Variants in TRPM3 observed in about 807,000 individuals in gnomAD.
TRPM3 encodes long transient receptor potential channel 3.
Under a neutral mutation model 181.2 loss-of-function variants are expected in TRPM3, and 77 were observed. That is an observed-to-expected ratio of 0.42 (90% CI 0.35 to 0.51). TRPM3 has a LOEUF of 0.51. Among genes scored for constraint, TRPM3 ranks in the 20% least tolerant of loss-of-function variants. The probability of loss-of-function intolerance (pLI) is 0.01; values close to 1 mark genes in which losing one functional copy is unlikely to be tolerated. For missense variants in TRPM3, 1,759 were observed against 2,196.7 expected, an observed-to-expected ratio of 0.80 and a Z score of 3.98; for synonymous variants, 745 against 796.4, an observed-to-expected ratio of 0.94 and a Z score of 1.09.
At chr9:70,781,326 T>TAAAAAAAAAAAAAAGAAAA (rs2082390964) in intron 7 of TRPM3, among the ~76,000 whole-genome samples, 1 of 106,156 alleles carries the variant, frequency 9.4e-6, no homozygotes, top group African/African-American at 3.7e-5. Context: ...TTCCATTTCA[T>TAAAAAAAAAAAAAAGAAAA]AAAAAAAAAA....
chr9:71,335,658 A>G (rs1438577742), intron 1 of TRPM3, among the ~76,000 whole-genome samples: 1 of 152,182 alleles, frequency 6.6e-6, no homozygotes, highest in Non-Finnish European at 1.5e-5. Flanking sequence ...GAGTTATTTA[A>G]AAGAATACAG....
At chr9:70,869,018 G>T in intron 1 of TRPM3, 1 of 985,212 alleles carries the variant, frequency 1.0e-6, no homozygotes, top group Non-Finnish European at 1.2e-6. Context: ...GGCAAAAGCA[G>T]TCCCCGGAGC....
chr9:71,386,605 T>C (rs116385431), intron 1 of TRPM3, among the ~76,000 whole-genome samples: 1,872 of 152,288 alleles, frequency 0.012, 34 homozygotes, highest in African/African-American at 0.04. Context: ...ATATTGGAAC[T>C]GTGTATATAT....
rs1213226058 is a variant in TRPM3, at chr9:70,576,506, TTC to T, written c.3223+14523_3223+14524del. On this transcript the variant is annotated intron_variant, in intron 22 of 25. Coordinates refer to ENST00000677713, the MANE Select transcript of TRPM3 (RefSeq NM_001366145.2). ...CTCCTCCTCCTCCTCCTCCTCCTTC[TTC>T]TTTTTTTTTTTTTTTTGGTTTTCCC... Among the ~76,000 whole-genome samples, 338 of 150,208 alleles carry T rather than the reference TTC, an allele frequency of 2.3e-3. 1 individual carries two copies. Among genetic ancestry groups the T allele is most frequent in the African/African-American group, 8.1e-3 (325 of 40,282 alleles).
At chr9:71,223,763 G>A (rs769393513) in intron 1 of TRPM3, among the ~76,000 whole-genome samples, 18 of 152,180 alleles carry the variant, frequency 1.2e-4, no homozygotes, top group Non-Finnish European at 1.9e-4. Flanking sequence ...CTCCCTGTAG[G>A]CCTGTGGTGG....
chr9:71,208,942 G>T (rs2079299925), intron 1 of TRPM3, among the ~76,000 whole-genome samples: 1 of 152,126 alleles, frequency 6.6e-6, no homozygotes, highest in Non-Finnish European at 1.5e-5. Flanking sequence ...CGAACCTCAA[G>T]ACTTTAATAG....
intron 1 of TRPM3, among the ~76,000 whole-genome samples, chr9:71,433,680 G>A (rs2093990511): frequency 6.6e-6 from 1 of 152,172 alleles, no homozygotes; most frequent in African/African-American, 2.4e-5. Flanking sequence ...ACAAATGAGT[G>A]TTGTAGACAC....
intron 1 of TRPM3, among the ~76,000 whole-genome samples, chr9:71,297,461 G>A (rs1301972619): frequency 6.6e-6 from 1 of 152,108 alleles, no homozygotes; most frequent in African/African-American, 2.4e-5. Flanking sequence ...TGCCAGCCTG[G>A]GGAGGCCTCA....
chr9:71,171,316 G>A (rs945963184), intron 1 of TRPM3, among the ~76,000 whole-genome samples: 7 of 152,112 alleles, frequency 4.6e-5, no homozygotes, highest in African/African-American at 1.7e-4. Flanking sequence ...AGTACTTGAT[G>A]TCTGTCACCC....
intron 18 of TRPM3, among the ~76,000 whole-genome samples, chr9:70,615,071 AC>A (rs1184890213): frequency 6.6e-6 from 1 of 152,208 alleles, no homozygotes; most frequent in Non-Finnish European, 1.5e-5. Context: ...AACAATTCAC[AC>A]TGCTGTCCTA....
intron 1 of TRPM3, among the ~76,000 whole-genome samples, chr9:71,163,661 A>G (rs558345033): frequency 6.6e-6 from 1 of 152,270 alleles, no homozygotes; most frequent in Non-Finnish European, 1.5e-5. Context: ...ACATTAGTGG[A>G]AGCCATGGGC....
At chr9:70,540,985 A>G (rs907391278) in intron 25 of TRPM3, among the ~76,000 whole-genome samples, 1 of 152,162 alleles carries the variant, frequency 6.6e-6, no homozygotes, top group African/African-American at 2.4e-5. Context: ...TCAGCCTCCC[A>G]AAGTGCTGGG....
chr9:70,602,023 C>A (rs2060082720), intron 20 of TRPM3, among the ~76,000 whole-genome samples: 1 of 151,728 alleles, frequency 6.6e-6, no homozygotes, highest in Non-Finnish European at 1.5e-5. Context: ...AATGGGAAAT[C>A]CACAACATTG....
At chr9:70,576,322 C>T (rs909446016) in intron 22 of TRPM3, among the ~76,000 whole-genome samples, 1 of 152,116 alleles carries the variant, frequency 6.6e-6, no homozygotes, top group Non-Finnish European at 1.5e-5. Flanking sequence ...GACCATCAAC[C>T]TTTGGCAGTG....
intron 1 of TRPM3, among the ~76,000 whole-genome samples, chr9:70,883,998 T>C (rs537872088): frequency 3.9e-5 from 6 of 152,264 alleles, no homozygotes; most frequent in African/African-American, 1.4e-4. Flanking sequence ...TGGAAACGAT[T>C]GCAGTTTTAG....
chr9:71,299,881 T>C (rs2086621775), intron 1 of TRPM3, among the ~76,000 whole-genome samples: 1 of 152,092 alleles, frequency 6.6e-6, no homozygotes, highest in African/African-American at 2.4e-5. Context: ...AGATATATTA[T>C]AATGTAAGGG....
intron 8 of TRPM3, among the ~76,000 whole-genome samples, chr9:70,756,313 C>G (rs1587908124): frequency 1.3e-5 from 2 of 151,860 alleles, no homozygotes; most frequent in African/African-American, 2.4e-5. Context: ...ATATATGCAC[C>G]CAATACAGGA....
intron 1 of TRPM3, among the ~76,000 whole-genome samples, chr9:71,120,441 T>C (rs767755949): frequency 2.0e-5 from 3 of 152,184 alleles, no homozygotes; most frequent in Non-Finnish European, 4.4e-5. Flanking sequence ...TTCAGTATCT[T>C]TAATGCATTT....
At chr9:70,756,216 T>TA (rs1716817033) in intron 8 of TRPM3, among the ~76,000 whole-genome samples, 1 of 151,790 alleles carries the variant, frequency 6.6e-6, no homozygotes, top group Non-Finnish European at 1.5e-5. Context: ...AAACAGACTT[T>TA]AAACCAACCG....
Sources: allele counts gnomAD v4.1 joint callset (sites outside exome capture counted in the v4.1 genomes callset), GRCh38; gene constraint gnomAD v4.1.1; transcripts MANE v1.5; gene names NCBI Gene and HGNC (gene_info 2026-07-23, HGNC 2026-07-21).